GAN: variants seen among roughly 807,000 people sequenced by gnomAD.
The protein encoded by GAN is gigaxonin.
In GAN, 48 loss-of-function variants were observed where a neutral mutation model predicts 71.3. The ratio of observed to expected loss-of-function variants is 0.67; its 90% CI spans 0.53 to 0.86. The LOEUF (loss-of-function observed/expected upper bound fraction) is 0.86. Ranked by LOEUF, GAN falls within the 40% of genes least tolerant of loss-of-function variation. The pLI is 0.00. For missense variants in GAN, 928 were observed against 770.1 expected (o/e 1.21, Z -2.43); for synonymous variants, 386 against 276.8 (o/e 1.39, Z -3.92).
intron 1 of GAN, among the ~76,000 whole-genome samples, chr16:81,339,362 G>T (rs1675746372): frequency 2.0e-5 from 3 of 152,210 alleles, no homozygotes; most frequent in African/African-American, 4.8e-5. Context: ...CCTTGTTTTT[G>T]ATCTGGTTCA....
chr16:81,357,049 G>T (rs773846247), intron 4 of GAN, 47 bp downstream of exon 4: 2 of 1,052,054 alleles, frequency 1.9e-6, no homozygotes, highest in Non-Finnish European at 3.0e-6. Context: ...ATGGGAAGAG[G>T]TAGTTCCATG....
chr16:81,355,398 C>G (rs747809822), intron 3 of GAN, among the ~76,000 whole-genome samples: 28 of 152,186 alleles, frequency 1.8e-4, no homozygotes, highest in Non-Finnish European at 2.9e-4. Context: ...GTCTGTCTCC[C>G]AGGCTGAAGG....
chr16:81,365,325 G>A, intron 8 of GAN, 25 bp from the exon 9 acceptor site: 1 of 1,613,506 alleles, frequency 6.2e-7, no homozygotes, highest in Non-Finnish European at 8.5e-7. Flanking sequence ...GCTTGTGCCT[G>A]ATAACGCTGT....
At chr16:81,352,028 C>T (rs1032093294) in intron 2 of GAN, among the ~76,000 whole-genome samples, 1 of 152,156 alleles carries the variant, frequency 6.6e-6, no homozygotes, top group African/African-American at 2.4e-5. Flanking sequence ...AATCCCGATT[C>T]CAGTCTTGCT....
chr16:81,356,244 A>AT (rs11384755), intron 3 of GAN, among the ~76,000 whole-genome samples: 70,487 of 152,000 alleles, frequency 0.46, 16,674 homozygotes, highest in Middle Eastern at 0.56. Context: ...GTAAAAGTGT[A>AT]AATTCATATT....
intron 1 of GAN, among the ~76,000 whole-genome samples, chr16:81,322,648 AT>A (rs1193217345): frequency 6.6e-6 from 1 of 152,254 alleles, no homozygotes; most frequent in Non-Finnish European, 1.5e-5. Flanking sequence ...TTTAAAGACC[AT>A]TTGATGCTTG....
At chr16:81,350,393 C>T (rs951186473) in intron 1 of GAN, among the ~76,000 whole-genome samples, 3 of 152,146 alleles carry the variant, frequency 2.0e-5, no homozygotes, top group Non-Finnish European at 4.4e-5. Context: ...CGCAGATGCC[C>T]TTACACATAC....
Position 81,315,002 on chromosome 16 carries a change from A to T in GAN, c.-112A>T. 1 of 928,004 alleles carries T rather than the reference A, an allele frequency of 1.1e-6. No individual in the cohort carries two copies. Among genetic ancestry groups the T allele is most frequent in the Non-Finnish European group, 1.5e-6 (1 of 681,414 alleles). The allele number at this position is 928,004 out of a possible 1,614,324, so 57.5% of individuals were successfully genotyped here. A position where few individuals can be genotyped will look rare whatever the true frequency, so the allele number is the denominator to read the frequency against. On this transcript the variant is annotated 5_prime_UTR_variant, in exon 1 of 11. Coordinates refer to ENST00000648994, the MANE Select transcript of GAN (RefSeq NM_022041.4). Reference sequence around the variant, plus strand: ...GTCCCGGGGGCTCCAGCTTCTGCTCAGAGCGCGGAGAGCCGGGCCGGGCGG... The same window carrying T: ...GTCCCGGGGGCTCCAGCTTCTGCTCTGAGCGCGGAGAGCCGGGCCGGGCGG...
At chr16:81,362,451 G>A (rs1280064230) in intron 5 of GAN, 48 bp from the exon 6 acceptor site, 1 of 903,892 alleles carries the variant, frequency 1.1e-6, no homozygotes, top group Non-Finnish European at 1.9e-6. Context: ...GCGTTTATGG[G>A]TGTTGAAGAC....
chr16:81,374,677 G>A (rs2150697079), intron 9 of GAN, among the ~76,000 whole-genome samples: 1 of 152,262 alleles, frequency 6.6e-6, no homozygotes, highest in South Asian at 2.1e-4. Flanking sequence ...CTGCTTCACT[G>A]TGGCTTCCGT....
At chr16:81,337,112 G>A (rs1435661650) in intron 1 of GAN, among the ~76,000 whole-genome samples, 1 of 152,082 alleles carries the variant, frequency 6.6e-6, no homozygotes, top group Admixed American at 6.5e-5. Context: ...TGTGCTTTCA[G>A]GAGCTCCTGA....
intron 1 of GAN, among the ~76,000 whole-genome samples, chr16:81,337,710 C>T (rs985650079): frequency 9.2e-5 from 14 of 152,296 alleles, no homozygotes; most frequent in African/African-American, 1.9e-4. Flanking sequence ...TAGTAGCCAA[C>T]GACTTTTCTT....
chr16:81,346,993 A>G (rs1001891536), intron 1 of GAN, among the ~76,000 whole-genome samples: 1 of 152,246 alleles, frequency 6.6e-6, no homozygotes, highest in Non-Finnish European at 1.5e-5. Context: ...CTGAGAGGCT[A>G]TATATGTTGA....
At chr16:81,351,841 G>A in intron 2 of GAN, 144 bp downstream of exon 2, 1 of 703,764 alleles carries the variant, frequency 1.4e-6, no homozygotes, top group Middle Eastern at 3.0e-4. Context: ...ATTTCCTACT[G>A]GTAATGGCAC....
In GAN at chr16:81,383,215, T is replaced by C. The variant is rs1322374117; in HGVS notation, c.*5619T>C. 2 of 151,448 alleles carry C rather than the reference T, an allele frequency of 1.3e-5. No homozygotes were observed. Among genetic ancestry groups the C allele is most frequent in the African/African-American group, 4.8e-5 (2 of 41,326 alleles). 9.4% of individuals were successfully genotyped at this position (151,448 alleles called of 1,614,324 possible). On this transcript the variant is annotated 3_prime_UTR_variant, in exon 11 of 11. Coordinates refer to ENST00000648994, the MANE Select transcript of GAN (RefSeq NM_022041.4). ...TAAATAAAACTACATTATATAATTA[T>C]TTAGTCAGAAATGACTGTTGCCCTC... is the stretch of plus-strand genomic sequence containing the variant.
intron 1 of GAN, among the ~76,000 whole-genome samples, chr16:81,334,610 G>A (rs993892605): frequency 2.0e-5 from 3 of 152,194 alleles, no homozygotes; most frequent in African/African-American, 7.2e-5. Context: ...GACAATAGTG[G>A]AACTGTGGAT....
At chr16:81,316,500 G>T (rs1909047679) in intron 1 of GAN, among the ~76,000 whole-genome samples, 1 of 120,726 alleles carries the variant, frequency 8.3e-6, no homozygotes, top group Non-Finnish European at 1.7e-5. Context: ...TGGGGGGGCG[G>T]GGCGGCAGTA....
intron 5 of GAN, among the ~76,000 whole-genome samples, chr16:81,358,999 T>C (rs1032694190): frequency 8.5e-5 from 13 of 152,232 alleles, no homozygotes; most frequent in Non-Finnish European, 1.8e-4. Flanking sequence ...TTGCCCAGGC[T>C]ATAATATTTT....
chr16:81,316,148 A>G (rs935194344), intron 1 of GAN, among the ~76,000 whole-genome samples: 4 of 152,186 alleles, frequency 2.6e-5, no homozygotes, highest in African/African-American at 7.2e-5. Flanking sequence ...GCAGGAGACT[A>G]TCTTTTCTTT....
Sources: allele counts gnomAD v4.1 joint callset (sites outside exome capture counted in the v4.1 genomes callset), GRCh38; gene constraint gnomAD v4.1.1; transcripts MANE v1.5; gene names NCBI Gene and HGNC (gene_info 2026-07-23, HGNC 2026-07-21).